DNMBP: variants seen among roughly 807,000 people sequenced by gnomAD.
DNMBP encodes the protein dynamin binding protein.
A neutral mutation model predicts 150.0 loss-of-function variants in DNMBP; 87 were observed. The ratio of observed to expected loss-of-function variants is 0.58; its 90% CI spans 0.49 to 0.69. The LOEUF is 0.69. Ranked by LOEUF, DNMBP falls within the 30% of genes least tolerant of loss-of-function variation. The probability of loss-of-function intolerance (pLI) is 0.00; values close to 1 mark genes in which losing one functional copy is unlikely to be tolerated. For missense variants in DNMBP, 1,774 were observed against 1,949.0 expected, an observed-to-expected ratio of 0.91 and a Z score of 1.69; for synonymous variants, 711 against 750.4, an observed-to-expected ratio of 0.95 and a Z score of 0.86.
At chr10:99,964,491 G>GTTTT (rs200597908) in intron 3 of DNMBP, among the ~76,000 whole-genome samples, 2 of 146,410 alleles carry the variant, frequency 1.4e-5, no homozygotes, top group African/African-American at 2.5e-5. Context: ...CTTTTCTCCT[G>GTTTT]TTTTTGTTTT....
chr10:99,966,014 T>C (rs1023758093), intron 3 of DNMBP, among the ~76,000 whole-genome samples: 1 of 152,224 alleles, frequency 6.6e-6, no homozygotes, highest in African/African-American at 2.4e-5. Flanking sequence ...GTGATTTTGT[T>C]TCCCACCAGT....
At chr10:99,918,424 T>C (rs2039990018) in intron 4 of DNMBP, among the ~76,000 whole-genome samples, 1 of 152,048 alleles carries the variant, frequency 6.6e-6, no homozygotes, top group Non-Finnish European at 1.5e-5. Flanking sequence ...TTTTGGCAAG[T>C]AGCCTGAAGT....
intron 14 of DNMBP, among the ~76,000 whole-genome samples, chr10:99,885,001 C>G (rs2039435312): frequency 6.6e-6 from 1 of 152,166 alleles, no homozygotes; most frequent in African/African-American, 2.4e-5. Flanking sequence ...CAGCAGTCCT[C>G]TAGCTGGTGT....
At chr10:99,968,871 C>T (rs1190720769) in intron 3 of DNMBP, among the ~76,000 whole-genome samples, 1 of 152,054 alleles carries the variant, frequency 6.6e-6, no homozygotes, top group African/African-American at 2.4e-5. Flanking sequence ...AGTTAATAAT[C>T]CCCACTTTCC....
At chr10:99,999,041 C>T (rs2040982654) in intron 1 of DNMBP, among the ~76,000 whole-genome samples, 1 of 152,220 alleles carries the variant, frequency 6.6e-6, no homozygotes, top group Admixed American at 6.5e-5. Flanking sequence ...CTGTCTGCAG[C>T]TGTCAGTGCA....
chr10:99,955,211 T>C lies in DNMBP; in HGVS notation c.2260+3A>G, dbSNP rs2040470433. 1 of 1,610,662 alleles carries C rather than the reference T, an allele frequency of 6.2e-7. No homozygotes were observed. The highest frequency in any genetic ancestry group is 8.5e-7 in the Non-Finnish European group (1 of 1,177,582). On this transcript the variant is annotated splice_donor_region_variant and intron_variant, in intron 4 of 16. Coordinates refer to ENST00000324109, the MANE Select transcript of DNMBP (RefSeq NM_015221.4). The stretch of plus-strand genomic sequence containing the variant: ...AATTACATATTATTTCCTCGTCACT[T>C]ACCTCTTAGTTGCTGGAGTTCCATA...
chr10:99,952,523 G>A (rs1212318327), intron 4 of DNMBP, among the ~76,000 whole-genome samples: 1 of 152,136 alleles, frequency 6.6e-6, no homozygotes, highest in African/African-American at 2.4e-5. Context: ...GTAGCTTGAG[G>A]GTAAATGCTC....
chr10:99,892,318 C>T (rs1238222153), intron 11 of DNMBP, among the ~76,000 whole-genome samples: 6 of 143,960 alleles, frequency 4.2e-5, no homozygotes, highest in Admixed American at 6.9e-5. Flanking sequence ...AATAGAAAGG[C>T]GGGAAAGGTG....
intron 4 of DNMBP, among the ~76,000 whole-genome samples, chr10:99,932,322 G>A (rs1353919464): frequency 3.3e-5 from 5 of 152,068 alleles, no homozygotes; most frequent in African/African-American, 1.2e-4. Flanking sequence ...ATAAAATGAG[G>A]CAGTTGGCCA....
At chr10:99,886,008 A>G in intron 13 of DNMBP, 142 bp from the exon 14 acceptor site, 1 of 893,794 alleles carries the variant, frequency 1.1e-6, no homozygotes, top group Non-Finnish European at 1.6e-6. Flanking sequence ...GCTGCAGCTC[A>G]TTCTCTGAGC....
At position 99,994,046 on chromosome 10, in the gene DNMBP, G is replaced by A. The variant is rs112624214; in HGVS notation, c.-11+15792C>T. The stretch of plus-strand genomic sequence containing the variant: ...TGTTTGATTAAGTGAACTTTCACTG[G>A]GTGGATGATGCTACATAAAAGAGCA... On this transcript the variant is annotated intron_variant, in intron 1 of 16. Transcript: ENST00000324109. 2.0e-5 allele frequency among the ~76,000 whole-genome samples: 3 copies of A among 152,256 alleles called. No homozygotes were observed. In the South Asian group the frequency reaches 6.2e-4, roughly 32 times the overall value.
chr10:100,001,234 A>T (rs1464344133), intron 1 of DNMBP, among the ~76,000 whole-genome samples: 17 of 8,938 alleles, frequency 1.9e-3, no homozygotes, highest in African/African-American at 6.5e-3. Context: ...CCGTCTCATT[A>T]AAAAAAAAAA....
rs753371257 is a variant in DNMBP, at chr10:99,884,028, C to T, written c.3980G>A (p.Trp1327Ter). 1.9e-6 allele frequency: 3 copies of T among 1,613,806 alleles called. No individual in the cohort carries two copies. Among genetic ancestry groups the T allele is most frequent in the African/African-American group, 1.3e-5 (1 of 74,820 alleles). The change falls in exon 15 of 17, where the codon TGG (tryptophan) becomes TAG (stop). Residue 1327 changes from tryptophan (W) to a stop codon, truncating the protein, a stop_gained. Coordinates refer to ENST00000324109, the MANE Select transcript of DNMBP (RefSeq NM_015221.4). LOFTEE classifies it high-confidence loss of function. ...KKDPMGSQNRWLIDNGVTKGF... is the reference protein window; with the variant it reads ...KKDPMGSQNR ...ATTCTTACCTCCATTGTCAATCAGCCAGCGGTTCTGGCTGCCCATGGGGTC... is the reference window on the plus strand; with the variant it reads ...ATTCTTACCTCCATTGTCAATCAGCTAGCGGTTCTGGCTGCCCATGGGGTC...
At position 99,901,697 on chromosome 10, in the gene DNMBP, T is replaced by C. The variant is rs552294975; in HGVS notation, c.2555-1631A>G. ...CTCAGTGTATTTGGTGCTCCCTTCTTCAGCTCCATGTTCCACAAAAAAGAG... is the reference window on the plus strand; with the variant it reads ...CTCAGTGTATTTGGTGCTCCCTTCTCCAGCTCCATGTTCCACAAAAAAGAG... On this transcript the variant is annotated intron_variant, in intron 6 of 16. Transcript: ENST00000324109. 1.1e-4 allele frequency among the ~76,000 whole-genome samples: 16 copies of C among 152,120 alleles called. No homozygotes were observed. In the South Asian group the frequency reaches 3.3e-3, roughly 32 times the overall value.
intron 15 of DNMBP, among the ~76,000 whole-genome samples, chr10:99,882,454 C>G (rs2039383586): frequency 6.6e-6 from 1 of 152,146 alleles, no homozygotes; most frequent in East Asian, 1.9e-4. Flanking sequence ...CATGGTCACG[C>G]ATGCCTCTGG....
chr10:99,893,462 G>A (rs189740535), intron 11 of DNMBP, among the ~76,000 whole-genome samples: 268 of 152,348 alleles, frequency 1.8e-3, no homozygotes, highest in African/African-American at 5.7e-3. Flanking sequence ...AAGGCCAGGC[G>A]CGGTGGCTCA....
chr10:99,979,153 T>C (rs1306550882), intron 1 of DNMBP, among the ~76,000 whole-genome samples: 1 of 152,200 alleles, frequency 6.6e-6, no homozygotes, highest in African/African-American at 2.4e-5. Flanking sequence ...AAATCTGGCT[T>C]GACTGGGTAA....
In DNMBP at chr10:99,894,655, A is replaced by C. The variant is rs1296703061; in HGVS notation, c.3156+291T>G. On this transcript the variant is annotated intron_variant, in intron 11 of 16. Transcript: ENST00000324109. ...TTTGATTTTCAAACTGGTTTTGATA[A>C]AATGAACTGTAATAAGTAAAAGAAA... 2.0e-5 allele frequency among the ~76,000 whole-genome samples: 3 copies of C among 152,242 alleles called. No homozygotes were observed. The East Asian group carries it at 5.8e-4, about 29-fold the overall frequency.
At chr10:99,894,819 AT>A in intron 11 of DNMBP, 126 bp downstream of exon 11, 1 of 662,766 alleles carries the variant, frequency 1.5e-6, no homozygotes, top group South Asian at 2.1e-5. Context: ...AACAAAAAGT[AT>A]GATGGGGCAT....
Sources: allele counts gnomAD v4.1 joint callset (sites outside exome capture counted in the v4.1 genomes callset), GRCh38; gene constraint gnomAD v4.1.1; transcripts MANE v1.5; gene names NCBI Gene and HGNC (gene_info 2026-07-23, HGNC 2026-07-21).